CSGALNACT1: variants seen among roughly 807,000 people sequenced by gnomAD.
CSGALNACT1 encodes the protein beta4GalNAcT-1.
CSGALNACT1 carries 52 observed loss-of-function variants against 51.0 expected under a neutral mutation model. That is an observed-to-expected ratio of 1.02 (90% CI 0.82 to 1.29). The LOEUF (loss-of-function observed/expected upper bound fraction) is 1.29, where lower values mean the gene tolerates loss of function less well. Among genes scored for constraint, CSGALNACT1 ranks in the 50% most tolerant of loss-of-function variants. CSGALNACT1 has a pLI of 0.00. For synonymous variants in CSGALNACT1, 341 were observed against 254.4 expected (o/e 1.34, Z -3.24); for missense variants, 935 against 679.2 (o/e 1.38, Z -4.19).
At chr8:19,424,933 C>A (rs542294566) in intron 6 of CSGALNACT1, among the ~76,000 whole-genome samples, 13 of 152,308 alleles carry the variant, frequency 8.5e-5, no homozygotes, top group East Asian at 5.8e-4. Flanking sequence ...CTGCTTCCCC[C>A]CTTCCAAGTA....
intron 2 of CSGALNACT1, among the ~76,000 whole-genome samples, chr8:19,600,164 C>A (rs1197148447): frequency 2.0e-5 from 3 of 152,138 alleles, no homozygotes; most frequent in African/African-American, 7.2e-5. Flanking sequence ...CTCACTGCAA[C>A]CTCCACCTCC....
chr8:19,710,156 G>C (rs1181274330), intron 1 of CSGALNACT1, among the ~76,000 whole-genome samples: 1 of 152,122 alleles, frequency 6.6e-6, no homozygotes, highest in Non-Finnish European at 1.5e-5. Context: ...GATTCAAAAT[G>C]TTAGAGAAAA....
chr8:19,660,849 C>T (rs540238043), intron 1 of CSGALNACT1, among the ~76,000 whole-genome samples: 1 of 152,276 alleles, frequency 6.6e-6, no homozygotes, highest in African/African-American at 2.4e-5. Flanking sequence ...CATGGGTGTA[C>T]ATTCCCAAAA....
chr8:19,592,843 A>T (rs975944072), intron 2 of CSGALNACT1, among the ~76,000 whole-genome samples: 1 of 152,234 alleles, frequency 6.6e-6, no homozygotes. Context: ...TAAAGAACAC[A>T]TAAGTTCTTT....
At chr8:19,627,449 A>G (rs2054594178) in intron 1 of CSGALNACT1, among the ~76,000 whole-genome samples, 1 of 152,150 alleles carries the variant, frequency 6.6e-6, no homozygotes, top group South Asian at 2.1e-4. Context: ...ACAACTTGGT[A>G]TCCCTACTCT....
intron 3 of CSGALNACT1, among the ~76,000 whole-genome samples, chr8:19,554,747 GT>G (rs1274731202): frequency 1.3e-5 from 2 of 152,036 alleles, no homozygotes; most frequent in East Asian, 3.9e-4. Flanking sequence ...GTGAAACCCC[GT>G]CTCTACTAAA....
intron 8 of CSGALNACT1, among the ~76,000 whole-genome samples, chr8:19,416,357 C>T (rs1479991150): frequency 6.6e-6 from 1 of 152,118 alleles, no homozygotes; most frequent in Admixed American, 6.5e-5. Flanking sequence ...TCATGATTCA[C>T]CTGCTTCGGC....
chr8:19,452,413 TGG>T (rs1192373413), intron 5 of CSGALNACT1, among the ~76,000 whole-genome samples: 1 of 80,422 alleles, frequency 1.2e-5, no homozygotes, highest in Admixed American at 1.6e-4. Flanking sequence ...AACTAACCCC[TGG>T]GGGAAAAAAA....
At chr8:19,413,351 C>T (rs1033990234) in intron 8 of CSGALNACT1, among the ~76,000 whole-genome samples, 2 of 152,144 alleles carry the variant, frequency 1.3e-5, no homozygotes, top group African/African-American at 4.8e-5. Context: ...AGTTCTCACC[C>T]CTGCCACTTA....
At chr8:19,463,251 C>T (rs1427767205) in intron 4 of CSGALNACT1, among the ~76,000 whole-genome samples, 2 of 152,108 alleles carry the variant, frequency 1.3e-5, no homozygotes, top group Admixed American at 1.3e-4. Flanking sequence ...GATTCTATGG[C>T]TTCGCTATTG....
intron 1 of CSGALNACT1, among the ~76,000 whole-genome samples, chr8:19,701,440 C>CTCCCCA: frequency 6.6e-6 from 1 of 152,198 alleles, no homozygotes; most frequent in South Asian, 2.1e-4. Context: ...AGGTGTGAGC[C>CTCCCCA]ACTGCACCAA....
At chr8:19,649,364 T>C (rs1386072354) in intron 1 of CSGALNACT1, among the ~76,000 whole-genome samples, 1 of 152,154 alleles carries the variant, frequency 6.6e-6, no homozygotes, top group Non-Finnish European at 1.5e-5. Flanking sequence ...ACCAGAAGAT[T>C]TATTCTCCCT....
chr8:19,424,721 C>T (rs1286172302), intron 6 of CSGALNACT1, among the ~76,000 whole-genome samples: 2 of 152,190 alleles, frequency 1.3e-5, no homozygotes, highest in Non-Finnish European at 2.9e-5. Flanking sequence ...CATCACTAGA[C>T]TAGAGTGCCC....
At chr8:19,559,337 T>G (rs545236681) in intron 3 of CSGALNACT1, among the ~76,000 whole-genome samples, 5 of 152,322 alleles carry the variant, frequency 3.3e-5, no homozygotes, top group South Asian at 4.1e-4. Flanking sequence ...TTCTTTCCCA[T>G]TAGATTATCT....
chr8:19,425,738 G>C (rs2058674826), intron 6 of CSGALNACT1, among the ~76,000 whole-genome samples: 1 of 152,186 alleles, frequency 6.6e-6, no homozygotes. Context: ...GATAGACTGA[G>C]CCTTCCCTCA....
intron 1 of CSGALNACT1, among the ~76,000 whole-genome samples, chr8:19,636,674 T>C (rs10086184): frequency 0.011 from 1,672 of 152,308 alleles, 30 homozygotes; most frequent in African/African-American, 0.039. Flanking sequence ...CAGTCGGTAG[T>C]GCTGTCCCCA....
intron 1 of CSGALNACT1, among the ~76,000 whole-genome samples, chr8:19,667,021 AAG>A (rs1564386495): frequency 0.051 from 2,128 of 41,356 alleles, 366 homozygotes; most frequent in East Asian, 0.19. Context: ...GAAAGAAAGG[AAG>A]GAAGGAAGGA....
At position 19,612,346 on chromosome 8, in the gene CSGALNACT1, A is replaced by T. The variant is rs548525272; in HGVS notation, c.-543-10481T>A. Among the ~76,000 whole-genome samples the T allele has an allele frequency of 5.4e-4, 82 of 152,188 alleles. 1 individual carries two copies. Among genetic ancestry groups the T allele is most frequent in the African/African-American group, 1.9e-3 (78 of 41,546 alleles). On this transcript the variant is annotated intron_variant, in intron 1 of 9. Transcript: ENST00000332246. ...TGGCAGGATGAATCCCTGTCTCAAAAAAAAAAACTAATTGAAAAAAAAAAT... is the reference window on the plus strand; with the variant it reads ...TGGCAGGATGAATCCCTGTCTCAAATAAAAAAACTAATTGAAAAAAAAAAT...
intron 5 of CSGALNACT1, among the ~76,000 whole-genome samples, chr8:19,444,237 T>A (rs1315754416): frequency 6.6e-6 from 1 of 152,252 alleles, no homozygotes; most frequent in Non-Finnish European, 1.5e-5. Flanking sequence ...ATTTCCAGAT[T>A]ACTTTTAACA....
Sources: allele counts gnomAD v4.1 joint callset (sites outside exome capture counted in the v4.1 genomes callset), GRCh38; gene constraint gnomAD v4.1.1; transcripts MANE v1.5; gene names NCBI Gene and HGNC (gene_info 2026-07-23, HGNC 2026-07-21).